C12orf43: variants seen among roughly 807,000 people sequenced by gnomAD.
C12orf43 encodes chromosome 12 open reading frame 43, also known as protein CUSTOS.
Under a neutral mutation model 20.6 loss-of-function variants are expected in C12orf43, and 15 were observed. The ratio of observed to expected loss-of-function variants is 0.73; its 90% CI spans 0.49 to 1.12. The LOEUF (loss-of-function observed/expected upper bound fraction) is 1.12, where lower values mean the gene tolerates loss of function less well. Among genes scored for constraint, C12orf43 ranks in the 50% most tolerant of loss-of-function variants. The probability of loss-of-function intolerance (pLI) is 0.00; values close to 1 mark genes in which losing one functional copy is unlikely to be tolerated. For missense variants in C12orf43, 334 were observed against 344.4 expected (o/e 0.97, Z 0.24); for synonymous variants, 144 against 130.8 (o/e 1.10, Z -0.69).
At position 121,004,751 on chromosome 12, in the gene C12orf43, A is replaced by G. The variant is rs1436691052; in HGVS notation, c.452+252T>C. Among the ~76,000 whole-genome samples the G allele has an allele frequency of 6.6e-6, 1 of 152,214 alleles. No homozygotes were observed. Among genetic ancestry groups the G allele is most frequent in the African/African-American group, 2.4e-5 (1 of 41,448 alleles). On this transcript the variant is annotated intron_variant, in intron 5 of 5. Transcript: ENST00000288757. This position sits in a 1 kb window ranked among gnomAD's most constrained non-coding sequence, Gnocchi z 5.6. ...GATCTTAACAGAGTCCAGGCCTCCCAGGGATGTCCCAGGAGGCAACTATGA... is the reference window on the plus strand; with the variant it reads ...GATCTTAACAGAGTCCAGGCCTCCCGGGGATGTCCCAGGAGGCAACTATGA...
At chr12:121,015,495 G>A (rs1213511715) in intron 1 of C12orf43, among the ~76,000 whole-genome samples, 1 of 152,162 alleles carries the variant, frequency 6.6e-6, no homozygotes, top group East Asian at 1.9e-4. Context: ...GGATTACAAA[G>A]AAAACCAATG....
In C12orf43 at chr12:121,000,923, G is replaced by A. The variant is rs531394038; in HGVS notation, c.*3230C>T. The A allele has an allele frequency of 6.6e-5, 77 of 1,171,036 alleles. No homozygotes were observed. Among genetic ancestry groups the A allele is most frequent in the Non-Finnish European group, 8.7e-5 (70 of 804,440 alleles). 72.5% of individuals were successfully genotyped at this position (1,171,036 alleles called of 1,614,324 possible). On this transcript the variant is annotated 3_prime_UTR_variant, in exon 6 of 6. Transcript: ENST00000288757. Reference sequence around the variant, plus strand: ...CTCCCTTTGAAGAACCGAGGGTAGAGGTGTGACTTTGGGGTTCCTGTTATC... The same window carrying A: ...CTCCCTTTGAAGAACCGAGGGTAGAAGTGTGACTTTGGGGTTCCTGTTATC...
chr12:121,006,620 T>C (rs1226287907), intron 3 of C12orf43: 4 of 512,208 alleles, frequency 7.8e-6, no homozygotes, highest in African/African-American at 3.9e-5. Context: ...CCAGTAAGTG[T>C]TGAAGAAGTT....
intron 3 of C12orf43, chr12:121,006,600 C>A: frequency 1.8e-6 from 1 of 550,236 alleles, no homozygotes; most frequent in Non-Finnish European, 3.3e-6. Flanking sequence ...TCTTTAAAGC[C>A]CACTTTATTC....
At chr12:121,010,269 T>C (rs1354303787) in intron 3 of C12orf43, among the ~76,000 whole-genome samples, 2 of 152,222 alleles carry the variant, frequency 1.3e-5, no homozygotes, top group African/African-American at 2.4e-5. Flanking sequence ...TGCGTGCCAC[T>C]GCACGCCAGC....
chr12:121,011,389 TTATATA>T (rs201526291), intron 1 of C12orf43, among the ~76,000 whole-genome samples: 1 of 146,892 alleles, frequency 6.8e-6, no homozygotes, highest in South Asian at 2.1e-4. Context: ...TGTAAGTACA[TTATATA>T]TATATATATC....
intron 1 of C12orf43, among the ~76,000 whole-genome samples, chr12:121,013,354 T>G (rs918982391): frequency 1.3e-5 from 2 of 152,238 alleles, no homozygotes; most frequent in Non-Finnish European, 2.9e-5. Flanking sequence ...GACAGTTCAG[T>G]TGAGTCCTGG....
chr12:121,009,429 G>A (rs2135876305), intron 3 of C12orf43, among the ~76,000 whole-genome samples: 1 of 152,292 alleles, frequency 6.6e-6, no homozygotes, highest in East Asian at 1.9e-4. Context: ...GTGCTCCAGA[G>A]GGAGACTCTG....
chr12:121,002,137 G>A lies in C12orf43; in HGVS notation c.*2016C>T, dbSNP rs955127942. On this transcript the variant is annotated 3_prime_UTR_variant, in exon 6 of 6. Transcript: ENST00000288757. Reference sequence around the variant, plus strand: ...CAGCAAGGCCCGAGCAGCTGAGCAGGGCCGGGGAACTGGCCAAGCTGAGGT... The same window carrying A: ...CAGCAAGGCCCGAGCAGCTGAGCAGAGCCGGGGAACTGGCCAAGCTGAGGT... 26 of 521,014 alleles carry A rather than the reference G, an allele frequency of 5.0e-5. No individual in the cohort carries two copies. Among genetic ancestry groups the A allele is most frequent in the Non-Finnish European group, 7.1e-5 (19 of 269,382 alleles). 32.3% of individuals were successfully genotyped at this position (521,014 alleles called of 1,614,324 possible). A position where few individuals can be genotyped will look rare whatever the true frequency, so the allele number is the denominator to read the frequency against.
intron 1 of C12orf43, among the ~76,000 whole-genome samples, chr12:121,015,555 T>C (rs369781482): frequency 2.0e-5 from 3 of 152,260 alleles, no homozygotes; most frequent in Admixed American, 6.5e-5. Context: ...TTGTGATGTA[T>C]GTGCTTCTTA....
intron 1 of C12orf43, chr12:121,012,508 C>A (rs984362447): frequency 1.1e-5 from 8 of 702,094 alleles, no homozygotes; most frequent in Non-Finnish European, 1.8e-5. Context: ...GAGTCTGCTG[C>A]AGTAATTGAT....
Position 121,016,448 on chromosome 12 carries a change from G to A in C12orf43, c.27C>T (p.Ser9=). The change falls in exon 1 of 6, where the codon AGC becomes AGT. Residue 9 remains serine (S), a synonymous_variant. Coordinates refer to ENST00000288757, the MANE Select transcript of C12orf43 (RefSeq NM_022895.3). MAAPSGTV[S]DSESSNSSSD... ...TACTGCTGTTACTACTTTCCGAATCGCTCACTGTGCCACTGGGCGCCGCCA... is the reference window on the plus strand; with the variant it reads ...TACTGCTGTTACTACTTTCCGAATCACTCACTGTGCCACTGGGCGCCGCCA... 1 of 1,614,014 alleles carries A rather than the reference G, an allele frequency of 6.2e-7. No homozygotes were observed. Among genetic ancestry groups the A allele is most frequent in the Non-Finnish European group, 8.5e-7 (1 of 1,180,026 alleles).
chr12:121,012,783 C>T (rs1056534081), intron 1 of C12orf43: 5 of 219,724 alleles, frequency 2.3e-5, no homozygotes, highest in African/African-American at 7.8e-5. Flanking sequence ...ACCCAGGAGG[C>T]GGAGGTTGCA....
chr12:121,016,192 T>C (rs1868893211), intron 1 of C12orf43, 138 bp downstream of exon 1: 2 of 1,322,674 alleles, frequency 1.5e-6, no homozygotes. Context: ...GCTTTCAATC[T>C]GCACTACACC....
intron 1 of C12orf43, among the ~76,000 whole-genome samples, chr12:121,012,992 GC>G (rs1451845037): frequency 6.6e-6 from 1 of 152,136 alleles, no homozygotes; most frequent in Non-Finnish European, 1.5e-5. Flanking sequence ...TATTTAAGGG[GC>G]CAACTGAACA....
chr12:121,012,542 A>G, intron 1 of C12orf43: 1 of 700,202 alleles, frequency 1.4e-6, no homozygotes, highest in South Asian at 1.5e-5. Flanking sequence ...GGTGAACTCC[A>G]GATAGATGCA....
chr12:121,001,238 G>GA lies in C12orf43; in HGVS notation c.*2914dup. 1 of 1,609,114 alleles carries GA rather than the reference G, an allele frequency of 6.2e-7. No individual in the cohort carries two copies. The highest frequency in any genetic ancestry group is 8.5e-7 in the Non-Finnish European group (1 of 1,178,170). On this transcript the variant is annotated 3_prime_UTR_variant, in exon 6 of 6. Transcript: ENST00000288757. The stretch of plus-strand genomic sequence containing the variant: ...GGCCTGTACTGCCTGCTTGGGGGGT[G>GA]ATGAGGGCAGCAGCCAGCCCTGCCT...
chr12:121,003,874 C>T lies in C12orf43; in HGVS notation c.*279G>A. 3.9e-6 allele frequency: 2 copies of T among 517,898 alleles called. No homozygotes were observed. Among genetic ancestry groups the T allele is most frequent in the Non-Finnish European group, 6.9e-6 (2 of 287,778 alleles). 32.1% of individuals were successfully genotyped at this position (517,898 alleles called of 1,614,324 possible). A position where few individuals can be genotyped will look rare whatever the true frequency, so the allele number is the denominator to read the frequency against. ...CAAATAACTGGAAGGTTCCTTTTTT[C>T]CTGAGGTCATGAAATGTTCTGGAAC... is the stretch of plus-strand genomic sequence containing the variant. On this transcript the variant is annotated 3_prime_UTR_variant, in exon 6 of 6. Transcript: ENST00000288757.
Position 121,003,377 on chromosome 12 carries a change from G to C in C12orf43, c.*776C>G, listed in dbSNP as rs1241334022. 6.6e-6 allele frequency: 1 copy of C among 152,166 alleles called. No individual in the cohort carries two copies. The highest frequency in any genetic ancestry group is 1.5e-5 in the Non-Finnish European group (1 of 68,066). 9.4% of individuals were successfully genotyped at this position (152,166 alleles called of 1,614,324 possible). ...CTTTGTCCCATGAAACCTAGTCCAC[G>C]AGTGCTATGACACTTCCTGAAGTCT... On this transcript the variant is annotated 3_prime_UTR_variant, in exon 6 of 6. Coordinates refer to ENST00000288757, the MANE Select transcript of C12orf43 (RefSeq NM_022895.3).
Sources: gnomAD v4.1 joint callset for allele counts (sites outside exome capture counted in the v4.1 genomes callset) on GRCh38, gnomAD v4.1.1 for gene constraint, Gnocchi (gnomAD v3.1) non-coding constraint, MANE v1.5 for transcripts, NCBI Gene and HGNC (gene_info 2026-07-23, HGNC 2026-07-21) for gene names.